Variants in HSD17B11 observed in about 807,000 individuals in gnomAD.
HSD17B11 encodes the protein hydroxysteroid 17-beta dehydrogenase 11.
Under a neutral mutation model 27.8 loss-of-function variants are expected in HSD17B11, and 22 were observed. That is an observed-to-expected ratio of 0.79 (90% CI 0.56 to 1.13). The LOEUF (loss-of-function observed/expected upper bound fraction) is 1.13, where lower values mean the gene tolerates loss of function less well. Ranked by LOEUF, HSD17B11 falls within the 50% of genes most tolerant of loss-of-function variation. The pLI is 0.00. For synonymous variants in HSD17B11, 117 were observed against 132.8 expected (o/e 0.88, Z 0.82); for missense variants, 314 against 351.1 (o/e 0.89, Z 0.84).
chr4:87,372,644 A>G, intron 4 of HSD17B11, 65 bp downstream of exon 4: 1 of 948,756 alleles, frequency 1.1e-6, no homozygotes, highest in Non-Finnish European at 1.7e-6. Flanking sequence ...CTTATTAGAC[A>G]GGGTAAGAAA....
chr4:87,382,300 C>A lies in HSD17B11; in HGVS notation c.273G>T (p.Val91=). 1 of 1,614,074 alleles carries A rather than the reference C, an allele frequency of 6.2e-7. No homozygotes were observed. The highest frequency in any genetic ancestry group is 8.5e-7 in the Non-Finnish European group (1 of 1,179,960). ...KGLGAKVHTF[V]VDCSNREDIY... is the part of the protein sequence containing the mutation. The stretch of plus-strand genomic sequence containing the variant: ...TATCTTCTCGGTTGCTGCAGTCTAC[C>A]ACAAAGGTATGAACCTTGGCACCCA... Residue 91 remains valine, a synonymous_variant, in exon 2 of 7, where the codon GTG becomes GTT. Transcript: ENST00000358290.
At chr4:87,365,381 T>C (rs1239430071) in intron 4 of HSD17B11, among the ~76,000 whole-genome samples, 1 of 152,214 alleles carries the variant, frequency 6.6e-6, no homozygotes, top group East Asian at 1.9e-4. Context: ...ATTGGTAAAA[T>C]AAAATGTCTT....
intron 4 of HSD17B11, among the ~76,000 whole-genome samples, chr4:87,368,407 T>C (rs988056607): frequency 1.3e-5 from 2 of 152,136 alleles, no homozygotes; most frequent in African/African-American, 2.4e-5. Context: ...CTCTCTACCC[T>C]GAACACAAGA....
intron 4 of HSD17B11, among the ~76,000 whole-genome samples, chr4:87,363,757 G>C (rs560664122): frequency 2.9e-4 from 44 of 152,194 alleles, no homozygotes; most frequent in African/African-American, 8.5e-4. Flanking sequence ...CAGACCTGTA[G>C]CTCAGTAGCT....
rs560470818 is a variant in HSD17B11, at chr4:87,377,364, C to T, written c.319-2534G>A. ...GCTCAGGAGGCTGAGGCAGGAGAAT[C>T]GCCTGAACCCGGGAGGCGGAGGTTG... On this transcript the variant is annotated intron_variant, in intron 2 of 6. Transcript: ENST00000358290. Among the ~76,000 whole-genome samples, 100 of 149,336 alleles carry T rather than the reference C, an allele frequency of 6.7e-4. 1 individual carries two copies. The highest frequency in any genetic ancestry group is 7.4e-4 in the Non-Finnish European group (50 of 67,322).
intron 4 of HSD17B11, among the ~76,000 whole-genome samples, chr4:87,361,983 G>A (rs992826999): frequency 6.6e-6 from 1 of 152,164 alleles, no homozygotes; most frequent in African/African-American, 2.4e-5. Flanking sequence ...GCAGACCATA[G>A]AGTTACAATA....
At chr4:87,346,161 G>A (rs1390752885) in intron 5 of HSD17B11, among the ~76,000 whole-genome samples, 1 of 152,018 alleles carries the variant, frequency 6.6e-6, no homozygotes, top group Non-Finnish European at 1.5e-5. Context: ...TAAAATGAAG[G>A]GAAAAAACCT....
intron 5 of HSD17B11, among the ~76,000 whole-genome samples, chr4:87,356,870 A>G (rs1735396087): frequency 6.6e-6 from 1 of 152,118 alleles, no homozygotes; most frequent in Non-Finnish European, 1.5e-5. Flanking sequence ...ACCTATGATA[A>G]TCACCTTTTT....
chr4:87,381,150 G>A (rs1283829743), intron 2 of HSD17B11, among the ~76,000 whole-genome samples: 1 of 136,928 alleles, frequency 7.3e-6, no homozygotes, highest in East Asian at 2.2e-4. Context: ...TCACGCCACT[G>A]CACTCCAGCC....
In HSD17B11 at chr4:87,340,504, T is replaced by C; in HGVS notation, c.798A>G (p.Leu266=). The change falls in exon 6 of 7, where the codon TTA becomes TTG. Residue 266 remains leucine, a synonymous_variant. Transcript: ENST00000358290. ...CTGTCACTTACCTTTCCAATGTTGT[T>C]AAAAAAGCTATAGAAGATGGAATAA... ...MIFIPSSIAF[L]TTLERILPER... 1 of 1,601,130 alleles carries C rather than the reference T, an allele frequency of 6.2e-7. No homozygotes were observed. The highest frequency in any genetic ancestry group is 8.5e-7 in the Non-Finnish European group (1 of 1,172,376).
chr4:87,339,530 A>C (rs1735124361), intron 6 of HSD17B11, among the ~76,000 whole-genome samples: 1 of 152,182 alleles, frequency 6.6e-6, no homozygotes, highest in Admixed American at 6.6e-5. Flanking sequence ...TGATCCTGAT[A>C]TCCCACTGAC....
intron 3 of HSD17B11, chr4:87,373,110 C>T (rs948535980): frequency 1.9e-5 from 5 of 269,562 alleles, no homozygotes; most frequent in African/African-American, 6.8e-5. Context: ...GAGGCCAACT[C>T]GGGCAGATCA....
At chr4:87,370,755 AT>A (rs57047986) in intron 4 of HSD17B11, among the ~76,000 whole-genome samples, 19,588 of 57,356 alleles carry the variant, frequency 0.34, 4,452 homozygotes, top group African/African-American at 0.57. Context: ...TATTATTATT[AT>A]TTTTTTTTTT....
intron 2 of HSD17B11, among the ~76,000 whole-genome samples, chr4:87,381,190 A>C (rs1325196627): frequency 3.9e-5 from 3 of 77,554 alleles, no homozygotes; most frequent in Admixed American, 1.3e-4. Context: ...CCATTTCAAA[A>C]AAAAAAAAAA....
chr4:87,372,634 C>G, intron 4 of HSD17B11, 75 bp downstream of exon 4: 1 of 889,290 alleles, frequency 1.1e-6, no homozygotes, highest in Admixed American at 2.0e-5. Context: ...AAAGAGAGTT[C>G]TTATTAGACA....
In HSD17B11 at chr4:87,369,745, T is replaced by C. The variant is rs145431758; in HGVS notation, c.557+2964A>G. Among the ~76,000 whole-genome samples the C allele has an allele frequency of 2.7e-3, 410 of 152,294 alleles. 2 individuals carry two copies. The highest frequency in any genetic ancestry group is 8.7e-3 in the African/African-American group (360 of 41,578). ...GCCACCATGCCTGGCCCCAGATTTT[T>C]CTTTTAAATAACATTTTGTTACAAG... On this transcript the variant is annotated intron_variant, in intron 4 of 6. Coordinates refer to ENST00000358290, the MANE Select transcript of HSD17B11 (RefSeq NM_016245.5).
chr4:87,367,109 C>T (rs1735624922), intron 4 of HSD17B11, among the ~76,000 whole-genome samples: 1 of 152,202 alleles, frequency 6.6e-6, no homozygotes, highest in Non-Finnish European at 1.5e-5. Flanking sequence ...GTATTCTTAA[C>T]TTATGGCAAT....
intron 4 of HSD17B11, among the ~76,000 whole-genome samples, chr4:87,367,832 C>G (rs796549551): frequency 2.0e-4 from 30 of 152,314 alleles, no homozygotes; most frequent in African/African-American, 7.2e-4. Context: ...CCCATATCAG[C>G]TTGGTCTCAA....
At chr4:87,381,294 A>AG (rs1720161267) in intron 2 of HSD17B11, among the ~76,000 whole-genome samples, 1 of 152,032 alleles carries the variant, frequency 6.6e-6, no homozygotes, top group African/African-American at 2.4e-5. Flanking sequence ...TAGAATATCC[A>AG]GGGGTAAGGT....
Sources: allele counts gnomAD v4.1 joint callset (sites outside exome capture counted in the v4.1 genomes callset), GRCh38; gene constraint gnomAD v4.1.1; transcripts MANE v1.5; gene names NCBI Gene and HGNC (gene_info 2026-07-23, HGNC 2026-07-21).